The following SLC44A5 variants were observed in gnomAD, a reference collection of about 807,000 sequenced individuals.
The protein encoded by SLC44A5 is solute carrier family 44 member 5.
A neutral mutation model predicts 101.8 loss-of-function variants in SLC44A5; 57 were observed. The ratio of observed to expected loss-of-function variants is 0.56; its 90% CI spans 0.45 to 0.70. The LOEUF (loss-of-function observed/expected upper bound fraction) is 0.70, where lower values mean the gene tolerates loss of function less well. SLC44A5 is among the 30% of genes least tolerant of loss of function. The probability of loss-of-function intolerance (pLI) is 0.00; values close to 1 mark genes in which losing one functional copy is unlikely to be tolerated. For synonymous variants in SLC44A5, 281 were observed against 290.9 expected, an observed-to-expected ratio of 0.97 and a Z score of 0.35; for missense variants, 737 against 853.1, an observed-to-expected ratio of 0.86 and a Z score of 1.70.
At chr1:75,339,261 C>T (rs1489449638) in intron 4 of SLC44A5, among the ~76,000 whole-genome samples, 1 of 152,104 alleles carries the variant, frequency 6.6e-6, no homozygotes, top group East Asian at 1.9e-4. Flanking sequence ...AAAACAACTA[C>T]TTGAATGAGT....
chr1:75,603,554 C>A (rs932000319), intron 1 of SLC44A5, among the ~76,000 whole-genome samples: 8 of 151,884 alleles, frequency 5.3e-5, no homozygotes, highest in Non-Finnish European at 1.0e-4. Flanking sequence ...TGAGAGACCT[C>A]CAAACTGCTT....
At chr1:75,467,038 T>G (rs1247914688) in intron 2 of SLC44A5, among the ~76,000 whole-genome samples, 14 of 151,970 alleles carry the variant, frequency 9.2e-5, no homozygotes, top group Admixed American at 9.2e-4. Context: ...TATATGCCAA[T>G]AATAAACAAT....
the SLC44A5 span, chr1:75,677,656 C>G: frequency 2.5e-6 from 1 of 393,722 alleles, no homozygotes; most frequent in Non-Finnish European, 4.9e-6. Flanking sequence ...GAAAGTGGAA[C>G]AAACTCTCCA....
In SLC44A5 at chr1:75,346,769, C is replaced by CA. The variant is rs200144808; in HGVS notation, c.53-7140dup. ...ATTTTATTGCTCAACATGAATCACT[C>CA]AAAAAAAAAGACCTATGAAATACTC... On this transcript the variant is annotated intron_variant, in intron 3 of 23. Transcript: ENST00000370859. Among the ~76,000 whole-genome samples the CA allele has an allele frequency of 2.6e-3, 383 of 150,170 alleles. 3 individuals are homozygous for CA. In the East Asian group the frequency reaches 0.046, roughly 18 times the overall value.
At chr1:75,212,105 CA>C (rs1225182242) in intron 22 of SLC44A5, among the ~76,000 whole-genome samples, 1 of 152,064 alleles carries the variant, frequency 6.6e-6, no homozygotes, top group Admixed American at 6.6e-5. Context: ...GAGATTTTGC[CA>C]ATGATATTTT....
At chr1:75,610,857 T>C (rs11163800) in intron 1 of SLC44A5, among the ~76,000 whole-genome samples, 183 bp downstream of exon 1, 11,203 of 152,094 alleles carry the variant, frequency 0.074, 1,278 homozygotes, top group African/African-American at 0.24. Flanking sequence ...AGGATATCTA[T>C]ATATATACAC....
intron 5 of SLC44A5, among the ~76,000 whole-genome samples, chr1:75,294,706 A>AGTGAACCT: frequency 6.6e-6 from 1 of 152,326 alleles, no homozygotes; most frequent in South Asian, 2.1e-4. Context: ...CTTAAAAAAG[A>AGTGAACCT]AGAAAATCCT....
rs80346475 is a variant in SLC44A5, at chr1:75,229,492, C to T, written c.854-1635G>A. 8.1e-4 allele frequency among the ~76,000 whole-genome samples: 124 copies of T among 152,276 alleles called. 1 individual carries two copies. The highest frequency in any genetic ancestry group is 3.0e-3 in the African/African-American group (124 of 41,560). On this transcript the variant is annotated intron_variant, in intron 12 of 23. Transcript: ENST00000370859. ...ACACTCTTATGTTATAAGGCCTTTG[C>T]TCCAGCTGTACCCACTGTCTGGAAC...
chr1:75,214,432 C>A (rs1033137448), intron 20 of SLC44A5, among the ~76,000 whole-genome samples, 173 bp downstream of exon 20: 2 of 152,044 alleles, frequency 1.3e-5, no homozygotes, highest in Admixed American at 1.3e-4. Context: ...AGCAACAATT[C>A]TCAGATATGA....
rs1424483837 is a variant in SLC44A5, at chr1:75,426,305, A to T, written c.14-29684T>A. Among the ~76,000 whole-genome samples, 3 of 152,346 alleles carry T rather than the reference A, an allele frequency of 2.0e-5. No homozygotes were observed. The South Asian group carries it at 6.2e-4, about 32-fold the overall frequency. Reference sequence around the variant, plus strand: ...TCCTGATCTCTCCTAACACAAAATCATTCCAGGTGTTCTTTTAGGAAGTAG... The same window carrying T: ...TCCTGATCTCTCCTAACACAAAATCTTTCCAGGTGTTCTTTTAGGAAGTAG... On this transcript the variant is annotated intron_variant, in intron 2 of 23. Transcript: ENST00000370859.
At chr1:75,285,209 T>C (rs1043185031) in intron 5 of SLC44A5, among the ~76,000 whole-genome samples, 2 of 152,132 alleles carry the variant, frequency 1.3e-5, no homozygotes, top group Non-Finnish European at 2.9e-5. Flanking sequence ...TATTTCTTCC[T>C]GGTTTAATCT....
At chr1:75,385,709 G>A (rs1390467505) in intron 3 of SLC44A5, among the ~76,000 whole-genome samples, 1 of 152,138 alleles carries the variant, frequency 6.6e-6, no homozygotes, top group Admixed American at 6.5e-5. Flanking sequence ...CTCATTTTAT[G>A]AAGCCAGCAT....
At chr1:75,481,521 T>C (rs1379400929) in intron 2 of SLC44A5, among the ~76,000 whole-genome samples, 1 of 151,844 alleles carries the variant, frequency 6.6e-6, no homozygotes, top group African/African-American at 2.4e-5. Context: ...AAAGGGCTAA[T>C]ATCCAGAATC....
In SLC44A5 at chr1:75,473,564, C is replaced by T. The variant is rs185132263; in HGVS notation, c.13+67871G>A. ...GCTGTTCTTTGCTAAAAACACTTATCTGCCCCACTCAAAATCCATTCACAC... is the reference window on the plus strand; with the variant it reads ...GCTGTTCTTTGCTAAAAACACTTATTTGCCCCACTCAAAATCCATTCACAC... On this transcript the variant is annotated intron_variant, in intron 2 of 23. Coordinates refer to ENST00000370859, the MANE Select transcript of SLC44A5 (RefSeq NM_001130058.2). Among the ~76,000 whole-genome samples, 28 of 152,270 alleles carry T rather than the reference C, an allele frequency of 1.8e-4. 1 individual carries two copies. The highest frequency in any genetic ancestry group is 3.1e-4 in the Non-Finnish European group (21 of 68,014).
chr1:75,241,898 G>T, intron 9 of SLC44A5, 103 bp downstream of exon 9: 4 of 958,744 alleles, frequency 4.2e-6, no homozygotes, highest in Non-Finnish European at 6.5e-6. Flanking sequence ...GCAGTCAGAG[G>T]ACCATTCTTG....
chr1:75,721,399 T>G, the SLC44A5 span, among the ~76,000 whole-genome samples: 1 of 152,212 alleles, frequency 6.6e-6, no homozygotes, highest in Admixed American at 6.5e-5. Flanking sequence ...TTATGAAATT[T>G]TCTTGCGTTT....
intron 3 of SLC44A5, among the ~76,000 whole-genome samples, chr1:75,391,724 G>A (rs1342570448): frequency 5.9e-5 from 9 of 152,118 alleles, no homozygotes; most frequent in Admixed American, 2.6e-4. Context: ...AACTTAACTC[G>A]TGATGGATTG....
At chr1:75,586,569 G>A (rs211680) in intron 1 of SLC44A5, among the ~76,000 whole-genome samples, 145,322 of 151,510 alleles carry the variant, frequency 0.96, 69,732 homozygotes, top group Admixed American at 0.97. Flanking sequence ...GACTTGAAAT[G>A]TAGTCTCATA....
At chr1:75,615,418 C>CACACACACACAT (rs1675829238), upstream of SLC44A5, among the ~76,000 whole-genome samples, 2 of 43,332 alleles carry the variant, frequency 4.6e-5, no homozygotes, top group Admixed American at 2.2e-4. Flanking sequence ...CTCTCTCTTA[C>CACACACACACAT]ACACACACAC....
Sources: allele counts gnomAD v4.1 joint callset (sites outside exome capture counted in the v4.1 genomes callset), GRCh38; gene constraint gnomAD v4.1.1; transcripts MANE v1.5; gene names NCBI Gene and HGNC (gene_info 2026-07-23, HGNC 2026-07-21).